CTH: variants seen among roughly 807,000 people sequenced by gnomAD.
CTH encodes cystathionine gamma-lyase.
In CTH, 41 loss-of-function variants were observed where a neutral mutation model predicts 50.6. That is an observed-to-expected ratio of 0.81 (90% CI 0.63 to 1.05). The LOEUF is 1.05. Among genes scored for constraint, CTH ranks in the 50% least tolerant of loss-of-function variants. CTH has a pLI of 0.00. For synonymous variants in CTH, 156 were observed against 168.9 expected (o/e 0.92, Z 0.59); for missense variants, 470 against 492.6 (o/e 0.95, Z 0.43).
chr1:70,428,675 TGAAA>T (rs1397934438), intron 5 of CTH, among the ~76,000 whole-genome samples: 189 of 152,212 alleles, frequency 1.2e-3, no homozygotes, highest in African/African-American at 4.3e-3. Context: ...AGTGGTGTCA[TGAAA>T]AGCTCACTGC....
intron 9 of CTH, among the ~76,000 whole-genome samples, chr1:70,434,174 G>GA (rs748517644): frequency 3.1e-4 from 47 of 152,324 alleles, no homozygotes; most frequent in Admixed American, 9.2e-4. Flanking sequence ...TCAGTTTGGA[G>GA]ACACAGAGTA....
At chr1:70,439,059 A>T (rs753910024) in intron 11 of CTH, 42 bp from the exon 12 acceptor site, 1 of 1,588,276 alleles carries the variant, frequency 6.3e-7, no homozygotes, top group Non-Finnish European at 8.6e-7. Context: ...GCTATGGCCT[A>T]TATGTTTAAT....
intron 8 of CTH, 128 bp from the exon 9 acceptor site, chr1:70,433,700 G>A: frequency 1.4e-6 from 2 of 1,422,726 alleles, no homozygotes; most frequent in South Asian, 1.2e-5. Context: ...GTAGTCAGAT[G>A]TGAGCATGGC....
rs148464294 is a variant in CTH, at chr1:70,413,455, G to A, written c.168+1872G>A. Among the ~76,000 whole-genome samples the A allele has an allele frequency of 9.8e-3, 1,479 of 151,656 alleles. 24 individuals carry two copies. The highest frequency in any genetic ancestry group is 0.041 in the Middle Eastern group (12 of 290). ...ATTTTTTATTTTTTTTAGTAGAGAC[G>A]GGGTTTCACCATGTTGGCCAGGCTG... On this transcript the variant is annotated intron_variant, in intron 1 of 11. Coordinates refer to ENST00000370938, the MANE Select transcript of CTH (RefSeq NM_001902.6).
chr1:70,438,661 C>A lies in CTH; in HGVS notation c.1053-27C>A, dbSNP rs1307586314. ...GCCTCCACTGACACAATATAGTGAT[C>A]AAAAATTTGCTCATGTCTTCTTTCA... On this transcript the variant is annotated intron_variant, in intron 10 of 11. Coordinates refer to ENST00000370938, the MANE Select transcript of CTH (RefSeq NM_001902.6). 8 of 1,613,574 alleles carry A rather than the reference C, an allele frequency of 5.0e-6. No individual in the cohort carries two copies. In the East Asian group the frequency reaches 1.1e-4, roughly 22 times the overall value.
chr1:70,413,739 CTTTTT>C (rs765540452), intron 1 of CTH, among the ~76,000 whole-genome samples: 2 of 118,206 alleles, frequency 1.7e-5, no homozygotes, highest in Admixed American at 9.2e-5. Context: ...TGCTTAATAT[CTTTTT>C]TTTTTTTTTT....
At chr1:70,419,331 A>G (rs1470575480) in intron 3 of CTH, among the ~76,000 whole-genome samples, 1 of 152,176 alleles carries the variant, frequency 6.6e-6, no homozygotes, top group Non-Finnish European at 1.5e-5. Flanking sequence ...TCCTTTGGGT[A>G]TATACCCAGT....
At chr1:70,439,051 T>A in intron 11 of CTH, 50 bp from the exon 12 acceptor site, 6 of 1,573,238 alleles carry the variant, frequency 3.8e-6, no homozygotes, top group Non-Finnish European at 5.3e-6. Context: ...GAGTTGAAGC[T>A]ATGGCCTATA....
At chr1:70,429,344 C>T (rs1226991037) in intron 5 of CTH, among the ~76,000 whole-genome samples, 1 of 152,038 alleles carries the variant, frequency 6.6e-6, no homozygotes. Flanking sequence ...TCACAGCATA[C>T]GTCATGAGGT....
At chr1:70,421,861 C>T (rs1313750821) in intron 4 of CTH, among the ~76,000 whole-genome samples, 186 bp downstream of exon 4, 1 of 152,156 alleles carries the variant, frequency 6.6e-6, no homozygotes, top group African/African-American at 2.4e-5. Context: ...TACATGATTT[C>T]TGGAGTAGAA....
In CTH at chr1:70,439,262, A is replaced by G. The variant is rs1485118939; in HGVS notation, c.*135A>G. ...GCACCTCATTATCTTTCATAACTGTAATTTTCTTAGGGATCATCTCTGTTA... is the reference window on the plus strand; with the variant it reads ...GCACCTCATTATCTTTCATAACTGTGATTTTCTTAGGGATCATCTCTGTTA... On this transcript the variant is annotated 3_prime_UTR_variant, in exon 12 of 12. Coordinates refer to ENST00000370938, the MANE Select transcript of CTH (RefSeq NM_001902.6). The G allele has an allele frequency of 6.3e-6, 5 of 792,446 alleles. No homozygotes were observed. The highest frequency in any genetic ancestry group is 1.1e-5 in the Non-Finnish European group (5 of 453,906). The allele number at this position is 792,446 out of a possible 1,614,324, so 49.1% of individuals were successfully genotyped here.
intron 1 of CTH, among the ~76,000 whole-genome samples, chr1:70,415,589 A>T (rs1338456409): frequency 6.6e-6 from 1 of 152,246 alleles, no homozygotes; most frequent in African/African-American, 2.4e-5. Context: ...AGTGATTAGC[A>T]TGTGCCAGGA....
At chr1:70,412,328 G>A (rs1328921604) in intron 1 of CTH, among the ~76,000 whole-genome samples, 3 of 152,210 alleles carry the variant, frequency 2.0e-5, no homozygotes, top group Admixed American at 1.3e-4. Context: ...ACTCATGACC[G>A]GGTGCAGTGG....
At chr1:70,427,566 C>G (rs1684370801) in intron 5 of CTH, among the ~76,000 whole-genome samples, 3 of 152,144 alleles carry the variant, frequency 2.0e-5, no homozygotes, top group Admixed American at 6.5e-5. Flanking sequence ...TGACCCCATC[C>G]CTTTAGGAAC....
At chr1:70,417,218 T>A (rs527272202) in intron 2 of CTH, among the ~76,000 whole-genome samples, 6 of 152,304 alleles carry the variant, frequency 3.9e-5, no homozygotes, top group African/African-American at 1.4e-4. Flanking sequence ...ATTTACTGAA[T>A]TGCATATTCA....
intron 1 of CTH, among the ~76,000 whole-genome samples, chr1:70,414,823 A>T (rs374694798): frequency 2.5e-4 from 37 of 149,308 alleles, no homozygotes; most frequent in African/African-American, 7.1e-4. Context: ...GAATAATGCA[A>T]TTTTTTTTTT....
intron 8 of CTH, among the ~76,000 whole-genome samples, chr1:70,432,982 C>T (rs974028795): frequency 1.3e-4 from 20 of 150,932 alleles, no homozygotes; most frequent in African/African-American, 3.9e-4. Context: ...CTACGCCCAG[C>T]CCCCTGAGGT....
chr1:70,426,500 C>T (rs946532568), intron 5 of CTH, among the ~76,000 whole-genome samples: 31 of 152,230 alleles, frequency 2.0e-4, no homozygotes, highest in African/African-American at 6.8e-4. Context: ...CTCCATGTGA[C>T]TGGCTGACTC....
At chr1:70,424,075 C>T (rs1298353021) in intron 4 of CTH, among the ~76,000 whole-genome samples, 1 of 152,000 alleles carries the variant, frequency 6.6e-6, no homozygotes, top group Non-Finnish European at 1.5e-5. Context: ...TAGGTATTAC[C>T]AACCCAATTA....
Sources: gnomAD v4.1 joint callset for allele counts (sites outside exome capture counted in the v4.1 genomes callset) on GRCh38, gnomAD v4.1.1 for gene constraint, MANE v1.5 for transcripts, NCBI Gene and HGNC (gene_info 2026-07-23, HGNC 2026-07-21) for gene names.